KIAA1217: variants seen among roughly 807,000 people sequenced by gnomAD.
KIAA1217 encodes sickle tail protein homolog.
In KIAA1217, 88 loss-of-function variants were observed where a neutral mutation model predicts 163.9. The observed-to-expected ratio is 0.54, with a 90% CI of 0.45 to 0.64. The LOEUF (loss-of-function observed/expected upper bound fraction) is 0.64, where lower values mean the gene tolerates loss of function less well. Among genes scored for constraint, KIAA1217 ranks in the 30% least tolerant of loss-of-function variants. The pLI, the probability that KIAA1217 is intolerant of heterozygous loss-of-function variation, is 0.00. For missense variants in KIAA1217, 2,372 were observed against 2,475.0 expected (o/e 0.96, Z 0.88); for synonymous variants, 903 against 923.1 (o/e 0.98, Z 0.39).
chr10:23,711,494 G>A (rs953698055), intron 1 of KIAA1217, among the ~76,000 whole-genome samples: 1 of 152,166 alleles, frequency 6.6e-6, no homozygotes, highest in Admixed American at 6.6e-5. Context: ...GGCAGACAGC[G>A]TGGTTTTGGT....
At chr10:24,219,604 A>G (rs775340169) in intron 1 of KIAA1217, 22 bp from the exon 2 acceptor site, 2 of 1,552,604 alleles carry the variant, frequency 1.3e-6, no homozygotes, top group East Asian at 4.5e-5. Context: ...TTAATTGTGA[A>G]CCGAATTTTT....
At chr10:23,725,193 A>T (rs4748908) in intron 1 of KIAA1217, among the ~76,000 whole-genome samples, 1 of 152,176 alleles carries the variant, frequency 6.6e-6, no homozygotes, top group East Asian at 1.9e-4. Context: ...GCACCCTGGT[A>T]TAGTTGGCTC....
chr10:23,810,335 CTATATATACTATATATAGAT>C (rs1836942885), intron 1 of KIAA1217, among the ~76,000 whole-genome samples: 1 of 145,444 alleles, frequency 6.9e-6, no homozygotes, highest in Admixed American at 7.0e-5. Context: ...TATACACACA[CTATATATACTATATATAGAT>C]TATATATAGT....
At chr10:24,395,276 T>TC (rs1395685360) in intron 3 of KIAA1217, among the ~76,000 whole-genome samples, 15 of 152,244 alleles carry the variant, frequency 9.9e-5, no homozygotes, top group African/African-American at 3.4e-4. Context: ...GCCACCTCTT[T>TC]CCCCTGCTGG....
At chr10:23,939,664 A>G (rs1589115397) in intron 1 of KIAA1217, among the ~76,000 whole-genome samples, 1 of 151,878 alleles carries the variant, frequency 6.6e-6, no homozygotes, top group East Asian at 1.9e-4. Context: ...TTACAATTAT[A>G]ATTAGAAATT....
At chr10:24,468,905 T>C (rs2063211037) in intron 5 of KIAA1217, among the ~76,000 whole-genome samples, 1 of 152,270 alleles carries the variant, frequency 6.6e-6, no homozygotes, top group Non-Finnish European at 1.5e-5. Context: ...TAGTTAGATC[T>C]TTAAATGTTT....
At chr10:24,459,725 C>A (rs1672563228) in intron 5 of KIAA1217, among the ~76,000 whole-genome samples, 1 of 152,028 alleles carries the variant, frequency 6.6e-6, no homozygotes, top group Admixed American at 6.6e-5. Context: ...GAGTTTGAGG[C>A]CAGCCTGGGC....
At chr10:23,778,814 G>A (rs955388335) in intron 1 of KIAA1217, among the ~76,000 whole-genome samples, 1 of 152,158 alleles carries the variant, frequency 6.6e-6, no homozygotes, top group Non-Finnish European at 1.5e-5. Context: ...GGTTTCCTGG[G>A]CAGGTTGCTG....
intron 2 of KIAA1217, among the ~76,000 whole-genome samples, chr10:24,346,630 G>T (rs2047823468): frequency 7.1e-6 from 1 of 141,184 alleles, no homozygotes; most frequent in South Asian, 2.4e-4. Context: ...AAGTGCAGTG[G>T]TGTGATCTCA....
intron 2 of KIAA1217, among the ~76,000 whole-genome samples, chr10:24,194,090 G>A (rs2066863275): frequency 6.6e-6 from 1 of 152,036 alleles, no homozygotes; most frequent in South Asian, 2.1e-4. Flanking sequence ...AGGAGGCTGA[G>A]GCATGAGAAT....
rs1027043160 is a variant in KIAA1217, at chr10:24,067,731, G to A, written c.-171+60357G>A. 1.3e-4 allele frequency among the ~76,000 whole-genome samples: 20 copies of A among 152,332 alleles called. No homozygotes were observed. In the South Asian group the frequency reaches 1.7e-3, roughly 13 times the overall value. ...GCTGTCTTTTGTTTGTCTGTGCCCT[G>A]CCCCCAGAGGTGGAGCCTACAGAGG... On this transcript the variant is annotated intron_variant, in intron 2 of 18. Transcript: ENST00000376462.
chr10:24,194,095 GAGAATC>G (rs1189134940), intron 2 of KIAA1217, among the ~76,000 whole-genome samples: 1 of 152,164 alleles, frequency 6.6e-6, no homozygotes, highest in East Asian at 1.9e-4. Flanking sequence ...GCTGAGGCAT[GAGAATC>G]ACTTGAACCC....
chr10:23,965,545 G>C (rs866484375), intron 1 of KIAA1217, among the ~76,000 whole-genome samples: 2 of 152,264 alleles, frequency 1.3e-5, no homozygotes, highest in South Asian at 2.1e-4. Context: ...ATCACATCAG[G>C]GTGTTTTAAG....
At chr10:24,041,785 T>G (rs1057329574) in intron 2 of KIAA1217, among the ~76,000 whole-genome samples, 1 of 152,242 alleles carries the variant, frequency 6.6e-6, no homozygotes, top group Non-Finnish European at 1.5e-5. Flanking sequence ...TTGCTTGAAC[T>G]AATGCCTGGA....
chr10:23,976,284 C>T (rs764048845), intron 1 of KIAA1217, among the ~76,000 whole-genome samples: 4 of 152,146 alleles, frequency 2.6e-5, no homozygotes, highest in Non-Finnish European at 1.5e-5. Context: ...TTCATCATTC[C>T]AGACTGCCCT....
chr10:24,459,102 C>T (rs1304514120), intron 5 of KIAA1217, among the ~76,000 whole-genome samples: 1 of 152,152 alleles, frequency 6.6e-6, no homozygotes, highest in African/African-American at 2.4e-5. Flanking sequence ...AGCCCACCAT[C>T]TGAGAGTTGG....
intron 2 of KIAA1217, among the ~76,000 whole-genome samples, chr10:24,227,835 A>C (rs1187431132): frequency 6.6e-6 from 1 of 152,106 alleles, no homozygotes; most frequent in African/African-American, 2.4e-5. Context: ...CCCGGCCAAT[A>C]TGAGCATTTG....
intron 2 of KIAA1217, among the ~76,000 whole-genome samples, chr10:24,194,804 G>T (rs1265536584): frequency 2.3e-5 from 3 of 129,336 alleles, no homozygotes; most frequent in Non-Finnish European, 3.2e-5. Context: ...AAGAGTCTCA[G>T]TATGTTAGTC....
intron 1 of KIAA1217, among the ~76,000 whole-genome samples, chr10:23,960,035 C>T (rs1844756136): frequency 6.6e-6 from 1 of 151,606 alleles, no homozygotes; most frequent in Non-Finnish European, 1.5e-5. Context: ...CCTGCCTCAG[C>T]CTCCCGAGTA....
Sources: allele counts gnomAD v4.1 joint callset (sites outside exome capture counted in the v4.1 genomes callset), GRCh38; gene constraint gnomAD v4.1.1; transcripts MANE v1.5; gene names NCBI Gene and HGNC (gene_info 2026-07-23, HGNC 2026-07-21).